Variants in DSCAM observed in about 807,000 individuals in gnomAD.
The protein encoded by DSCAM is cell adhesion molecule DSCAM.
Under a neutral mutation model 217.7 loss-of-function variants are expected in DSCAM, and 47 were observed. The observed-to-expected ratio is 0.22, with a 90% confidence interval of 0.17 to 0.28. The LOEUF is 0.28. Among genes scored for constraint, DSCAM ranks in the 10% least tolerant of loss-of-function variants. DSCAM has a pLI of 1.00. For synonymous variants in DSCAM, 1,056 were observed against 1,015.3 expected (o/e 1.04, Z -0.76); for missense variants, 2,080 against 2,618.3 (o/e 0.79, Z 4.49).
At chr21:40,511,746 C>T (rs527940972) in intron 3 of DSCAM, among the ~76,000 whole-genome samples, 1 of 151,958 alleles carries the variant, frequency 6.6e-6, no homozygotes, top group Non-Finnish European at 1.5e-5. Flanking sequence ...AATCCCAGCA[C>T]TTTGGGAGGC....
At chr21:40,832,740 C>A (rs910873851) in intron 1 of DSCAM, among the ~76,000 whole-genome samples, 4 of 152,060 alleles carry the variant, frequency 2.6e-5, no homozygotes, top group African/African-American at 9.7e-5. Context: ...TGATAGGGTG[C>A]AAGGAAAAAT....
chr21:40,732,976 T>C (rs969892966), intron 1 of DSCAM, among the ~76,000 whole-genome samples: 5 of 152,226 alleles, frequency 3.3e-5, no homozygotes, highest in African/African-American at 1.2e-4. Flanking sequence ...ACAGCGACAG[T>C]TAAAGATTAA....
intron 3 of DSCAM, among the ~76,000 whole-genome samples, chr21:40,648,165 G>A (rs1363919720): frequency 6.6e-6 from 1 of 151,554 alleles, no homozygotes; most frequent in African/African-American, 2.4e-5. Context: ...TGTATATCTG[G>A]GGTGATACTA....
intron 20 of DSCAM, among the ~76,000 whole-genome samples, chr21:40,116,721 G>A (rs1286408005): frequency 6.0e-5 from 9 of 150,662 alleles, no homozygotes; most frequent in African/African-American, 4.9e-5. Context: ...AGAGAGATTC[G>A]ACCGGGCGCG....
At chr21:40,611,122 G>A (rs1028969486) in intron 3 of DSCAM, among the ~76,000 whole-genome samples, 1 of 143,536 alleles carries the variant, frequency 7.0e-6, no homozygotes, top group Non-Finnish European at 1.5e-5. Flanking sequence ...ACAGTGGCGC[G>A]ATCTCGGCTC....
intron 15 of DSCAM, among the ~76,000 whole-genome samples, chr21:40,167,681 T>G (rs1236083080): frequency 6.6e-6 from 1 of 152,224 alleles, no homozygotes; most frequent in Non-Finnish European, 1.5e-5. Context: ...GATGTGGTAT[T>G]GGGGTTTCTC....
intron 24 of DSCAM, among the ~76,000 whole-genome samples, chr21:40,081,368 C>T (rs549927677): frequency 6.6e-6 from 1 of 152,206 alleles, no homozygotes; most frequent in East Asian, 1.9e-4. Context: ...CCCAAATGGG[C>T]AGGTTTGCTG....
chr21:40,138,298 T>C (rs925606281), intron 18 of DSCAM, among the ~76,000 whole-genome samples: 3 of 146,748 alleles, frequency 2.0e-5, no homozygotes, highest in Non-Finnish European at 4.5e-5. Context: ...TGTACCTGTG[T>C]GCGTGGTGTG....
At chr21:40,312,013 C>G in intron 9 of DSCAM, 68 bp downstream of exon 9, 7 of 1,299,594 alleles carry the variant, frequency 5.4e-6, no homozygotes, top group Non-Finnish European at 7.2e-6. Flanking sequence ...ATATTTCAAG[C>G]CCCATCATCT....
chr21:40,522,181 T>C (rs942232144), intron 3 of DSCAM, among the ~76,000 whole-genome samples: 1 of 152,184 alleles, frequency 6.6e-6, no homozygotes. Context: ...ATAGAAATCT[T>C]TATTAAAGTA....
At chr21:40,496,264 C>A (rs963485767) in intron 3 of DSCAM, among the ~76,000 whole-genome samples, 1 of 152,016 alleles carries the variant, frequency 6.6e-6, no homozygotes, top group African/African-American at 2.4e-5. Context: ...TACTTGCCTC[C>A]AAAATATATA....
At chr21:40,460,865 A>AT (rs774615538) in intron 3 of DSCAM, among the ~76,000 whole-genome samples, 69 of 152,248 alleles carry the variant, frequency 4.5e-4, no homozygotes, top group Admixed American at 9.2e-4. Context: ...ATGAAAATGG[A>AT]TAAAATATAT....
intron 3 of DSCAM, among the ~76,000 whole-genome samples, chr21:40,633,661 G>A (rs1474915852): frequency 5.3e-5 from 8 of 152,220 alleles, no homozygotes; most frequent in South Asian, 2.1e-4. Context: ...AGAAAGGAGG[G>A]GTTAGCTAGA....
chr21:40,478,812 C>T (rs146592891), intron 3 of DSCAM, among the ~76,000 whole-genome samples: 35 of 152,248 alleles, frequency 2.3e-4, no homozygotes, highest in African/African-American at 8.4e-4. Flanking sequence ...CCTTTATATG[C>T]TTTGTTTTTT....
intron 28 of DSCAM, among the ~76,000 whole-genome samples, chr21:40,060,104 C>T (rs1469563518): frequency 6.6e-6 from 1 of 152,208 alleles, no homozygotes; most frequent in Non-Finnish European, 1.5e-5. Context: ...AAATTCTCTT[C>T]CTTTTCAATC....
rs1372571989 is a variant in DSCAM at position 40,024,182 on chromosome 21, A to G, written c.5687-10796T>C. Among the ~76,000 whole-genome samples the G allele has an allele frequency of 1.5e-4, 12 of 77,534 alleles. 3 individuals carry two copies. The highest frequency in any genetic ancestry group is 3.3e-4 in the Non-Finnish European group (12 of 36,148). The allele number at this position is 77,534 out of a possible 152,430, so 50.9% of individuals were successfully genotyped here. On this transcript the variant is annotated intron_variant, in intron 32 of 32. Transcript: ENST00000400454. Reference sequence around the variant, plus strand: ...TTGGTCAAAGATCAGATAGTTGTAGATATGCGGCATTATTTCTGAGGGCTC... The same window carrying G: ...TTGGTCAAAGATCAGATAGTTGTAGGTATGCGGCATTATTTCTGAGGGCTC...
At chr21:40,422,479 T>A (rs935393141) in intron 3 of DSCAM, among the ~76,000 whole-genome samples, 1 of 151,382 alleles carries the variant, frequency 6.6e-6, no homozygotes, top group African/African-American at 2.4e-5. Flanking sequence ...AAAAAAAATA[T>A]ATATATACAA....
At position 40,332,328 on chromosome 21, in the gene DSCAM, A is replaced by G. The variant is rs556291126; in HGVS notation, c.1783+5773T>C. Reference sequence around the variant, plus strand: ...CCACGGGTTGTGTTGGAATCAAAACATCTGCGTTTGAGTCTTGAATGTATT... The same window carrying G: ...CCACGGGTTGTGTTGGAATCAAAACGTCTGCGTTTGAGTCTTGAATGTATT... On this transcript the variant is annotated intron_variant, in intron 8 of 32. Coordinates refer to ENST00000400454, the MANE Select transcript of DSCAM (RefSeq NM_001389.5). Among the ~76,000 whole-genome samples, 4 of 152,324 alleles carry G rather than the reference A, an allele frequency of 2.6e-5. No individual in the cohort carries two copies. In the South Asian group the frequency reaches 8.3e-4, roughly 32 times the overall value.
chr21:40,370,749 T>C (rs1187165157), intron 3 of DSCAM, among the ~76,000 whole-genome samples: 1 of 152,074 alleles, frequency 6.6e-6, no homozygotes, highest in Non-Finnish European at 1.5e-5. Flanking sequence ...GCCTCCCGAA[T>C]AGCTGGAACT....
Sources: allele counts gnomAD v4.1 joint callset (sites outside exome capture counted in the v4.1 genomes callset), GRCh38; gene constraint gnomAD v4.1.1; transcripts MANE v1.5; gene names NCBI Gene and HGNC (gene_info 2026-07-23, HGNC 2026-07-21).